The following ANO3 variants were observed in gnomAD, a reference collection of about 807,000 sequenced individuals.
The protein encoded by ANO3 is anoctamin-3.
A neutral mutation model predicts 144.8 loss-of-function variants in ANO3; 99 were observed. The ratio of observed to expected loss-of-function variants is 0.68; its 90% confidence interval spans 0.58 to 0.81. The LOEUF (loss-of-function observed/expected upper bound fraction) is 0.81, where lower values mean the gene tolerates loss of function less well. ANO3 is among the 30% of genes least tolerant of loss of function. ANO3 has a pLI of 0.00. For synonymous variants in ANO3, 414 were observed against 392.6 expected (o/e 1.05, Z -0.64); for missense variants, 905 against 1,202.2 (o/e 0.75, Z 3.66).
At chr11:26,189,352 T>C in intron 1 of ANO3, 1 of 980,484 alleles carries the variant, frequency 1.0e-6, no homozygotes, top group African/African-American at 1.7e-5. Context: ...TTTAGATTGA[T>C]ATGTATGAGT....
At chr11:26,385,338 A>C (rs7119650) in intron 1 of ANO3, among the ~76,000 whole-genome samples, 40,380 of 152,032 alleles carry the variant, frequency 0.27, 6,019 homozygotes, top group African/African-American at 0.4. Context: ...GCTGCTACAA[A>C]AAATTACCAC....
chr11:26,630,367 C>T (rs952587001), intron 18 of ANO3, among the ~76,000 whole-genome samples: 10 of 152,172 alleles, frequency 6.6e-5, no homozygotes, highest in Admixed American at 4.6e-4. Context: ...AGTTTGGCTT[C>T]GCATAGAAGA....
chr11:26,544,424 G>A (rs991887752), intron 11 of ANO3, among the ~76,000 whole-genome samples: 28 of 150,728 alleles, frequency 1.9e-4, no homozygotes, highest in African/African-American at 6.8e-4. Context: ...AGTAGTTACC[G>A]AAGGCTAGGG....
intron 1 of ANO3, among the ~76,000 whole-genome samples, chr11:26,206,374 A>G (rs903566064): frequency 2.6e-5 from 4 of 152,184 alleles, no homozygotes; most frequent in Non-Finnish European, 5.9e-5. Flanking sequence ...ATGTGTAAAT[A>G]AACTTGCTAT....
intron 1 of ANO3, among the ~76,000 whole-genome samples, chr11:26,212,597 C>T (rs955175931): frequency 6.6e-6 from 1 of 151,928 alleles, no homozygotes; most frequent in Non-Finnish European, 1.5e-5. Context: ...GAAGCTGAAT[C>T]CCTGAATAGA....
chr11:26,518,864 GA>G (rs1296134794), intron 6 of ANO3, among the ~76,000 whole-genome samples: 1 of 151,932 alleles, frequency 6.6e-6, no homozygotes, highest in Non-Finnish European at 1.5e-5. Context: ...AATAAGAGAT[GA>G]AAAAGGATTG....
intron 1 of ANO3, among the ~76,000 whole-genome samples, chr11:26,351,853 G>A (rs1387815188): frequency 2.0e-5 from 3 of 152,170 alleles, no homozygotes; most frequent in South Asian, 4.2e-4. Context: ...AATTTAACAG[G>A]ATCCTAGTTT....
intron 1 of ANO3, among the ~76,000 whole-genome samples, chr11:26,222,451 C>T (rs1250476365): frequency 6.6e-6 from 1 of 152,214 alleles, no homozygotes; most frequent in Non-Finnish European, 1.5e-5. Flanking sequence ...CTACCATTCT[C>T]AGGTCTGGAG....
intron 1 of ANO3, among the ~76,000 whole-genome samples, chr11:26,425,038 C>T (rs533758571): frequency 4.6e-5 from 7 of 151,774 alleles, no homozygotes; most frequent in African/African-American, 9.7e-5. Context: ...CCCTCCCCCC[C>T]ACCCCACAAG....
intron 1 of ANO3, among the ~76,000 whole-genome samples, chr11:26,338,812 A>C (rs917467184): frequency 4.6e-5 from 7 of 151,874 alleles, no homozygotes; most frequent in Non-Finnish European, 1.0e-4. Context: ...CGGAAGGAAG[A>C]AACTCTGGAC....
Position 26,332,268 on chromosome 11 carries a change from G to T in ANO3, c.-8G>T. On this transcript the variant is annotated 5_prime_UTR_variant, in exon 1 of 27. Coordinates refer to ENST00000256737, the MANE Select transcript of ANO3 (RefSeq NM_031418.4). ...CTCCCTAAGCCGGCTGGGACGCGCAGAGTGAAAATGGTCCACCATTCAGGC... is the reference window on the plus strand; with the variant it reads ...CTCCCTAAGCCGGCTGGGACGCGCATAGTGAAAATGGTCCACCATTCAGGC... 6.2e-7 allele frequency: 1 copy of T among 1,613,992 alleles called. No individual in the cohort carries two copies.
intron 1 of ANO3, among the ~76,000 whole-genome samples, chr11:26,441,133 T>TTTTTTA (rs1858503132): frequency 7.2e-6 from 1 of 139,722 alleles, no homozygotes; most frequent in African/African-American, 2.7e-5. Flanking sequence ...TTTTTTTTTT[T>TTTTTTA]TTGAGACGGA....
chr11:26,341,223 A>G (rs1029297664), intron 1 of ANO3, among the ~76,000 whole-genome samples: 8 of 152,176 alleles, frequency 5.3e-5, no homozygotes, highest in Admixed American at 2.6e-4. Flanking sequence ...GACTTGAAAA[A>G]AATGTATAGT....
chr11:26,450,940 A>G (rs1858907664), intron 3 of ANO3, among the ~76,000 whole-genome samples: 1 of 152,218 alleles, frequency 6.6e-6, no homozygotes, highest in African/African-American at 2.4e-5. Flanking sequence ...TTATGTTGTG[A>G]TCATAATAGT....
intron 1 of ANO3, among the ~76,000 whole-genome samples, chr11:26,415,056 A>ATGTGTGTG (rs149901742): frequency 0.018 from 2,576 of 145,530 alleles, 32 homozygotes; most frequent in East Asian, 0.038. Context: ...ATTGGTGTGT[A>ATGTGTGTG]TGTGTGTGTG....
intron 1 of ANO3, among the ~76,000 whole-genome samples, chr11:26,340,306 G>T (rs1855322533): frequency 6.6e-6 from 1 of 152,182 alleles, no homozygotes; most frequent in African/African-American, 2.4e-5. Context: ...ACAGCAATTT[G>T]GGAGGGTGGT....
chr11:26,568,858 CAT>C (rs2134280460), intron 14 of ANO3, among the ~76,000 whole-genome samples: 1 of 152,160 alleles, frequency 6.6e-6, no homozygotes, highest in African/African-American at 2.4e-5. Context: ...TCACAGCAAA[CAT>C]AATGCTCCTT....
At chr11:26,567,873 A>G (rs1314281334) in intron 14 of ANO3, among the ~76,000 whole-genome samples, 3 of 152,018 alleles carry the variant, frequency 2.0e-5, no homozygotes, top group Admixed American at 6.6e-5. Context: ...TATCACAAAC[A>G]TAATGCACTG....
chr11:26,531,088 A>G (rs907472050), intron 7 of ANO3, 117 bp from the exon 8 acceptor site: 30 of 1,111,034 alleles, frequency 2.7e-5, no homozygotes, highest in Non-Finnish European at 2.6e-5. Context: ...TGGTGTGTGT[A>G]GGTTTGTGTA....
Sources: gnomAD v4.1 joint callset for allele counts (sites outside exome capture counted in the v4.1 genomes callset) on GRCh38, gnomAD v4.1.1 for gene constraint, MANE v1.5 for transcripts, NCBI Gene and HGNC (gene_info 2026-07-23, HGNC 2026-07-21) for gene names.